Variants in RBFOX1 observed in about 807,000 individuals in gnomAD.
RBFOX1 encodes RNA binding protein fox-1 homolog 1.
Under a neutral mutation model 57.7 loss-of-function variants are expected in RBFOX1, and 8 were observed. The observed-to-expected ratio is 0.14, with a 90% confidence interval of 0.08 to 0.25. RBFOX1 has a LOEUF of 0.25. Ranked by LOEUF, RBFOX1 falls within the 10% of genes least tolerant of loss-of-function variation. The pLI, the probability that RBFOX1 is intolerant of heterozygous loss-of-function variation, is 1.00. For missense variants in RBFOX1, 611 were observed against 548.5 expected (o/e 1.11, Z -1.14); for synonymous variants, 326 against 222.4 (o/e 1.47, Z -4.15).
chr16:5,966,702 A>C (rs181930826), intron 4 of RBFOX1, among the ~76,000 whole-genome samples: 38 of 152,290 alleles, frequency 2.5e-4, no homozygotes, highest in Admixed American at 7.8e-4. Flanking sequence ...TTGTGAGAAC[A>C]GTACCAAGAG....
At chr16:6,940,848 AGTCTGTGTGTGTGTGTGT>A (rs1199878254) in intron 3 of RBFOX1, among the ~76,000 whole-genome samples, 4 of 58,498 alleles carry the variant, frequency 6.8e-5, no homozygotes, top group East Asian at 9.7e-4. Context: ...ATGTCCGGCT[AGTCTGTGTGTGTGTGTGT>A]GTGTGTGTGT....
chr16:6,947,346 A>C (rs901952217), intron 3 of RBFOX1, among the ~76,000 whole-genome samples: 7 of 152,164 alleles, frequency 4.6e-5, no homozygotes, highest in African/African-American at 1.7e-4. Flanking sequence ...TAACATTATG[A>C]AGACACCTGG....
intron 1 of RBFOX1, among the ~76,000 whole-genome samples, chr16:6,198,330 C>G (rs1487286972): frequency 6.6e-6 from 1 of 152,170 alleles, no homozygotes; most frequent in Non-Finnish European, 1.5e-5. Flanking sequence ...TGACAAGATA[C>G]ATTCAAGGGA....
At chr16:5,365,172 C>T (rs541090907) in intron 1 of RBFOX1, among the ~76,000 whole-genome samples, 34 of 152,208 alleles carry the variant, frequency 2.2e-4, no homozygotes, top group South Asian at 1.0e-3. Context: ...CCCTAAGTAC[C>T]GCTTCGTGGA....
At chr16:6,837,004 C>T (rs561097172) in intron 3 of RBFOX1, among the ~76,000 whole-genome samples, 57 of 152,044 alleles carry the variant, frequency 3.7e-4, no homozygotes, top group Non-Finnish European at 2.9e-4. Context: ...TAGCTTCTCA[C>T]GGATGAACAC....
At chr16:5,613,883 C>G (rs558099392) in intron 3 of RBFOX1, among the ~76,000 whole-genome samples, 5 of 151,762 alleles carry the variant, frequency 3.3e-5, no homozygotes, top group South Asian at 4.2e-4. Flanking sequence ...TCTTCTCTGA[C>G]TCCTTCATCT....
intron 1 of RBFOX1, among the ~76,000 whole-genome samples, chr16:6,180,791 C>A (rs878884958): frequency 6.6e-6 from 1 of 152,122 alleles, no homozygotes; most frequent in Non-Finnish European, 1.5e-5. Flanking sequence ...GTCTCGAACT[C>A]CTGACCTCAA....
chr16:7,594,410 G>A (rs1411481407), intron 7 of RBFOX1, among the ~76,000 whole-genome samples: 2 of 152,184 alleles, frequency 1.3e-5, no homozygotes, highest in East Asian at 1.9e-4. Context: ...AAATCTGAAA[G>A]AGCTGGGTAA....
At chr16:6,694,783 C>T (rs143136998) in intron 3 of RBFOX1, among the ~76,000 whole-genome samples, 1 of 152,150 alleles carries the variant, frequency 6.6e-6, no homozygotes, top group Non-Finnish European at 1.5e-5. Flanking sequence ...TAATTCAGGG[C>T]AAGGGCTTTT....
intron 4 of RBFOX1, among the ~76,000 whole-genome samples, chr16:5,960,292 C>G (rs978544062): frequency 1.3e-5 from 2 of 152,168 alleles, no homozygotes; most frequent in Admixed American, 6.5e-5. Flanking sequence ...ATTACCATAA[C>G]TCATTTTGCA....
intron 2 of RBFOX1, among the ~76,000 whole-genome samples, chr16:6,480,724 A>G (rs2095359281): frequency 6.6e-6 from 1 of 152,228 alleles, no homozygotes; most frequent in Admixed American, 6.5e-5. Flanking sequence ...TGTAGAAGTC[A>G]TTTAAAACTT....
chr16:7,053,531 C>G (rs1317096687), intron 4 of RBFOX1, among the ~76,000 whole-genome samples: 1 of 152,162 alleles, frequency 6.6e-6, no homozygotes, highest in Admixed American at 6.5e-5. Context: ...GCCTTTGTCT[C>G]CAGGAGTCCC....
At chr16:7,416,786 G>A (rs533521350) in intron 4 of RBFOX1, among the ~76,000 whole-genome samples, 19 of 151,984 alleles carry the variant, frequency 1.3e-4, no homozygotes, top group Non-Finnish European at 2.6e-4. Context: ...TGACAATGAC[G>A]ATAGTGAGTA....
At chr16:6,259,803 C>CA (rs1424602696) in intron 1 of RBFOX1, among the ~76,000 whole-genome samples, 3 of 151,318 alleles carry the variant, frequency 2.0e-5, no homozygotes, top group South Asian at 2.1e-4. Flanking sequence ...ACTAAAAATA[C>CA]AAAAAAAAGT....
At chr16:6,867,684 G>T (rs952084433) in intron 3 of RBFOX1, among the ~76,000 whole-genome samples, 2 of 152,108 alleles carry the variant, frequency 1.3e-5, no homozygotes, top group African/African-American at 4.8e-5. Context: ...TTGCCTGGGT[G>T]ACAGAGCACA....
intron 2 of RBFOX1, among the ~76,000 whole-genome samples, chr16:5,476,376 C>A (rs923973888): frequency 2.0e-5 from 3 of 152,208 alleles, no homozygotes; most frequent in African/African-American, 7.2e-5. Flanking sequence ...GAGGCTGAGG[C>A]TGCTGTTCCT....
intron 2 of RBFOX1, among the ~76,000 whole-genome samples, chr16:6,502,824 A>T (rs1308882927): frequency 6.6e-6 from 1 of 152,108 alleles, no homozygotes; most frequent in Admixed American, 6.6e-5. Context: ...ATTCTATTCT[A>T]TTCTCGCTGG....
intron 3 of RBFOX1, among the ~76,000 whole-genome samples, chr16:5,824,859 G>A (rs949812435): frequency 2.0e-5 from 3 of 152,128 alleles, no homozygotes; most frequent in African/African-American, 4.8e-5. Context: ...AGGTGGGCTA[G>A]GAGGTTTATC....
rs115213922 is a variant in RBFOX1 at position 6,601,418 on chromosome 16, C to T, written c.-63-53185C>T. Among the ~76,000 whole-genome samples, 95 of 152,158 alleles carry T rather than the reference C, an allele frequency of 6.2e-4. 1 individual carries two copies. Among genetic ancestry groups the T allele is most frequent in the African/African-American group, 2.1e-3 (89 of 41,498 alleles). ...TTTTGTTGGTATTGTGGCCAGACTC[C>T]GGGAGAGTCCTAAAATCGGTGTTTG... is the stretch of plus-strand genomic sequence containing the variant. On this transcript the variant is annotated intron_variant, in intron 2 of 15. Transcript: ENST00000550418.
Sources: allele counts gnomAD v4.1 joint callset (sites outside exome capture counted in the v4.1 genomes callset), GRCh38; gene constraint gnomAD v4.1.1; transcripts MANE v1.5; gene names NCBI Gene and HGNC (gene_info 2026-07-23, HGNC 2026-07-21).